Variants in MYO10 observed in about 807,000 individuals in gnomAD.
MYO10 encodes unconventional myosin-X.
MYO10 carries 133 observed loss-of-function variants against 257.3 expected under a neutral mutation model. The ratio of observed to expected loss-of-function variants is 0.52; its 90% CI spans 0.45 to 0.60. MYO10 has a LOEUF of 0.60. Among genes scored for constraint, MYO10 ranks in the 20% least tolerant of loss-of-function variants. MYO10 has a pLI of 0.00. For synonymous variants in MYO10, 1,104 were observed against 1,028.6 expected (o/e 1.07, Z -1.40); for missense variants, 2,399 against 2,635.7 (o/e 0.91, Z 1.97).
At chr5:16,912,666 A>G (rs1234937819) in intron 1 of MYO10, among the ~76,000 whole-genome samples, 1 of 152,112 alleles carries the variant, frequency 6.6e-6, no homozygotes, top group Non-Finnish European at 1.5e-5. Context: ...AATATATTGA[A>G]TCATACCTTA....
rs997595312 is a variant in MYO10 at position 16,671,409 on chromosome 5, C to G, written c.5430+13G>C. 4 of 1,613,600 alleles carry G rather than the reference C, an allele frequency of 2.5e-6. No individual in the cohort carries two copies. Among genetic ancestry groups the G allele is most frequent in the Non-Finnish European group, 3.4e-6 (4 of 1,179,704 alleles). Reference sequence around the variant, plus strand: ...TGCCGGCAAAGAAATCTGTTTCTAACTATTCCTTTTACCTGTTCAAACATA... The same window carrying G: ...TGCCGGCAAAGAAATCTGTTTCTAAGTATTCCTTTTACCTGTTCAAACATA... On this transcript the variant is annotated intron_variant, in intron 38 of 40. Coordinates refer to ENST00000513610, the MANE Select transcript of MYO10 (RefSeq NM_012334.3).
At chr5:16,844,362 C>CAATATTTAT in intron 2 of MYO10, among the ~76,000 whole-genome samples, 1 of 152,152 alleles carries the variant, frequency 6.6e-6, no homozygotes, top group South Asian at 2.1e-4. Flanking sequence ...TTAATGATGT[C>CAATATTTAT]AATATTTATC....
chr5:16,900,585 TC>T (rs1223605244), intron 1 of MYO10, among the ~76,000 whole-genome samples: 1 of 152,022 alleles, frequency 6.6e-6, no homozygotes, highest in African/African-American at 2.4e-5. Context: ...GACCGATCCA[TC>T]CGGTGACAAT....
Position 16,701,775 on chromosome 5 carries a change from G to T in MYO10, c.2620C>A (p.Leu874Met). Residue 874 changes from leucine (L) to methionine (M), a missense_variant, in exon 25 of 41, where the codon CTG (leucine) becomes ATG (methionine). By Grantham distance (15) the Leu-to-Met change is conservative (BLOSUM62 2). Around this residue, in one of 3 missense-constraint regions of MYO10, gnomAD observed 1,820 missense variants for 1,939.4 expected, o/e 0.94. Transcript: ENST00000513610. The surrounding 1 kb of genome is among the most constrained non-coding windows in gnomAD (Gnocchi z 8.1). ...TTCTGTTTCTCCAGTTCACGGGTCA[G>T]TTCAGCTTCCTTCTGGCTCTTCTGC... ...ALQKSQKEAE[L>M]TRELEKQKEN... The T allele has an allele frequency of 6.2e-7, 1 of 1,613,720 alleles. No individual in the cohort carries two copies. Among genetic ancestry groups the T allele is most frequent in the Non-Finnish European group, 8.5e-7 (1 of 1,179,850 alleles).
chr5:16,699,646 T>A, intron 25 of MYO10, 73 bp from the exon 26 acceptor site: 1 of 1,591,980 alleles, frequency 6.3e-7, no homozygotes, highest in Non-Finnish European at 8.6e-7. Context: ...CCAGCATGTA[T>A]CATCATTGAA....
intron 3 of MYO10, among the ~76,000 whole-genome samples, chr5:16,816,109 G>C (rs550219597): frequency 1.7e-4 from 25 of 151,334 alleles, no homozygotes; most frequent in African/African-American, 6.1e-4. Context: ...TTGGGAGGCC[G>C]AGGCGGGCGG....
chr5:16,681,204 G>C (rs1199276884), intron 32 of MYO10, 105 bp downstream of exon 32: 3 of 1,230,090 alleles, frequency 2.4e-6, no homozygotes, highest in African/African-American at 1.5e-5. Context: ...CAACTTCTTT[G>C]GGGGGAAATA....
rs78747848 is a variant in MYO10, at chr5:16,916,129, C to T, written c.21+19659G>A. 6.8e-4 allele frequency: 312 copies of T among 456,140 alleles called. 2 individuals carry two copies. Among genetic ancestry groups the T allele is most frequent in the African/African-American group, 5.6e-3 (281 of 50,136 alleles). 28.3% of individuals were successfully genotyped at this position (456,140 alleles called of 1,614,324 possible). The stretch of plus-strand genomic sequence containing the variant: ...GTCATCGCTGAAGTCTCATTACCGA[C>T]CCATCAAGCCCAGATTTCCACCATG... On this transcript the variant is annotated intron_variant, in intron 1 of 40. Coordinates refer to ENST00000513610, the MANE Select transcript of MYO10 (RefSeq NM_012334.3).
At chr5:16,739,053 G>C (rs1171770743) in intron 19 of MYO10, among the ~76,000 whole-genome samples, 5 of 151,872 alleles carry the variant, frequency 3.3e-5, no homozygotes, top group African/African-American at 4.8e-5. Flanking sequence ...CAGGAGCAGT[G>C]GTGTGCCCCT....
intron 1 of MYO10, among the ~76,000 whole-genome samples, chr5:16,893,629 G>C (rs1745132830): frequency 9.8e-6 from 1 of 101,972 alleles, no homozygotes; most frequent in Non-Finnish European, 1.7e-5. Context: ...GTGAGACTCT[G>C]TCTCAAAAAA....
chr5:16,881,475 C>G (rs1744753219), intron 1 of MYO10, among the ~76,000 whole-genome samples: 1 of 152,184 alleles, frequency 6.6e-6, no homozygotes, highest in African/African-American at 2.4e-5. Context: ...GTGTGAAGAA[C>G]TGCTGATAAG....
chr5:16,762,874 G>A (rs1336044975), intron 14 of MYO10, among the ~76,000 whole-genome samples: 1 of 151,214 alleles, frequency 6.6e-6, no homozygotes, highest in East Asian at 2.0e-4. Context: ...TGAGGCAGGA[G>A]AATCACTTGA....
Position 16,673,927 on chromosome 5 carries a change from T to C in MYO10, c.4965-38A>G, listed in dbSNP as rs1283217132. On this transcript the variant is annotated intron_variant, in intron 35 of 40. Transcript: ENST00000513610. ...CACTAACTGTTAATTTTTAGACTGA[T>C]GGGGGCTGGCTGCTGGGAGGAACTA... 5 of 1,591,464 alleles carry C rather than the reference T, an allele frequency of 3.1e-6. No individual in the cohort carries two copies. In the East Asian group the frequency reaches 6.7e-5, roughly 21 times the overall value.
At position 16,689,883 on chromosome 5, in the gene MYO10, G is replaced by T. The variant is rs371384622; in HGVS notation, c.3837C>A (p.Ile1279=). The change falls in exon 28 of 41, where the codon ATC becomes ATA. Residue 1279 remains isoleucine (I), a synonymous_variant. Coordinates refer to ENST00000513610, the MANE Select transcript of MYO10 (RefSeq NM_012334.3). ...IIDNTTKENG[I]DIIMADRTFH... ...AAGTCCTATCGGCCATAATGATGTC[G>T]ATCCCATTCTCCTTGGTGGTGTTAT... The T allele has an allele frequency of 1.4e-4, 227 of 1,613,500 alleles. No individual in the cohort carries two copies. The African/African-American group carries it at 2.7e-3, about 19-fold the overall frequency.
At chr5:16,865,586 G>A (rs1411078019) in intron 2 of MYO10, among the ~76,000 whole-genome samples, 1 of 152,110 alleles carries the variant, frequency 6.6e-6, no homozygotes, top group Non-Finnish European at 1.5e-5. Context: ...CGAGGTGGGT[G>A]GATCACCTGA....
intron 19 of MYO10, among the ~76,000 whole-genome samples, chr5:16,721,794 A>C (rs1010658979): frequency 1.3e-5 from 2 of 152,238 alleles, no homozygotes; most frequent in African/African-American, 4.8e-5. Flanking sequence ...CTAATGGGAA[A>C]GAAAACACTG....
chr5:16,704,153 C>G (rs1423276458), intron 22 of MYO10, among the ~76,000 whole-genome samples: 3 of 151,510 alleles, frequency 2.0e-5, no homozygotes, highest in African/African-American at 7.3e-5. Flanking sequence ...TGACCCATCT[C>G]TAAAAAAAAA....
At chr5:16,790,445 T>C (rs941030615) in intron 4 of MYO10, among the ~76,000 whole-genome samples, 5 of 152,168 alleles carry the variant, frequency 3.3e-5, no homozygotes, top group Non-Finnish European at 7.4e-5. Context: ...TGTACTCCCA[T>C]GGTTCCCGCC....
intron 19 of MYO10, among the ~76,000 whole-genome samples, chr5:16,711,687 C>G (rs1738628317): frequency 6.6e-6 from 1 of 152,024 alleles, no homozygotes; most frequent in African/African-American, 2.4e-5. Context: ...GAGGCTGAGG[C>G]AGGAGAATTG....
Sources: gnomAD v4.1 joint callset for allele counts (sites outside exome capture counted in the v4.1 genomes callset) on GRCh38, gnomAD v4.1.1 for gene constraint, gnomAD v4.1.1 regional missense constraint, Gnocchi (gnomAD v3.1) non-coding constraint, MANE v1.5 for transcripts, NCBI Gene and HGNC (gene_info 2026-07-23, HGNC 2026-07-21) for gene names.